PARVA: variants seen among roughly 807,000 people sequenced by gnomAD.
PARVA encodes the protein alpha-parvin.
In PARVA, 25 loss-of-function variants were observed where a neutral mutation model predicts 52.6. That is an observed-to-expected ratio of 0.48 (90% CI 0.35 to 0.66). The LOEUF (loss-of-function observed/expected upper bound fraction) is 0.66. PARVA is among the 30% of genes least tolerant of loss of function. The probability of loss-of-function intolerance (pLI) is 0.01; values close to 1 mark genes in which losing one functional copy is unlikely to be tolerated. For synonymous variants in PARVA, 185 were observed against 179.1 expected, an observed-to-expected ratio of 1.03 and a Z score of -0.26; for missense variants, 373 against 450.9, an observed-to-expected ratio of 0.83 and a Z score of 1.56.
At chr11:12,443,063 G>T (rs1420543222) in intron 1 of PARVA, among the ~76,000 whole-genome samples, 1 of 151,336 alleles carries the variant, frequency 6.6e-6, no homozygotes, top group Admixed American at 6.6e-5. Flanking sequence ...GGGTTTCACC[G>T]TGTTAGCCAG....
intron 1 of PARVA, among the ~76,000 whole-genome samples, chr11:12,456,161 C>T (rs1488900785): frequency 1.3e-5 from 2 of 152,186 alleles, no homozygotes; most frequent in Non-Finnish European, 2.9e-5. Flanking sequence ...CCCTCCCTCC[C>T]AGTATGTATG....
At chr11:12,470,579 CA>C (rs944283720) in intron 1 of PARVA, among the ~76,000 whole-genome samples, 8 of 152,100 alleles carry the variant, frequency 5.3e-5, no homozygotes, top group African/African-American at 1.9e-4. Flanking sequence ...TAATAGTGAA[CA>C]AAAGAGAAAT....
chr11:12,445,405 A>G (rs900062777), intron 1 of PARVA, among the ~76,000 whole-genome samples: 6 of 152,148 alleles, frequency 3.9e-5, no homozygotes, highest in Non-Finnish European at 8.8e-5. Flanking sequence ...CAGCAGGGGA[A>G]TCAGGACATA....
At chr11:12,496,080 A>G (rs1564862242) in intron 4 of PARVA, among the ~76,000 whole-genome samples, 1 of 152,262 alleles carries the variant, frequency 6.6e-6, no homozygotes. Flanking sequence ...ACAGGAATGT[A>G]CAAAATGCCT....
chr11:12,511,360 G>T lies in PARVA; in HGVS notation c.717-154G>T, dbSNP rs576516785. ...GGCCGTGCAGAATAAAATGCCAATG[G>T]AAGGAGGCTTTTTGAGCTCCTCAAC... On this transcript the variant is annotated intron_variant, in intron 7 of 12. Transcript: ENST00000334956. 6.7e-4 allele frequency among the ~76,000 whole-genome samples: 102 copies of T among 152,306 alleles called. 1 individual carries two copies. Among genetic ancestry groups the T allele is most frequent in the African/African-American group, 2.3e-3 (96 of 41,572 alleles).
chr11:12,511,486 C>T (rs768497571), intron 7 of PARVA, 28 bp from the exon 8 acceptor site: 6 of 1,610,046 alleles, frequency 3.7e-6, no homozygotes, highest in Admixed American at 1.7e-5. Flanking sequence ...AGAAGAGTCA[C>T]ACTATTTTCT....
upstream of PARVA, chr11:12,377,382 T>C: frequency 7.4e-7 from 1 of 1,352,626 alleles, no homozygotes; most frequent in Non-Finnish European, 9.4e-7. Context: ...CAAGGGGCAG[T>C]TTTGGGGCAT....
intron 1 of PARVA, among the ~76,000 whole-genome samples, chr11:12,422,126 T>C (rs1034262586): frequency 1.3e-5 from 2 of 152,274 alleles, no homozygotes; most frequent in African/African-American, 4.8e-5. Context: ...GTTTTGTATT[T>C]ACATTTCTAT....
intron 1 of PARVA, among the ~76,000 whole-genome samples, chr11:12,384,615 A>G (rs1939544656): frequency 6.6e-6 from 1 of 152,206 alleles, no homozygotes; most frequent in African/African-American, 2.4e-5. Flanking sequence ...CCTCACTAAG[A>G]AGGGTAGATT....
At chr11:12,377,952 G>T (rs1422940832) in intron 1 of PARVA, among the ~76,000 whole-genome samples, 169 bp downstream of exon 1, 1 of 148,170 alleles carries the variant, frequency 6.7e-6, no homozygotes, top group South Asian at 2.1e-4. Context: ...GGAGCGACGC[G>T]CACCCCACAC....
intron 1 of PARVA, among the ~76,000 whole-genome samples, chr11:12,421,698 A>G (rs1940152393): frequency 6.6e-6 from 1 of 152,138 alleles, no homozygotes; most frequent in Non-Finnish European, 1.5e-5. Context: ...TTAGTTATTG[A>G]TGTGTTTCAG....
At chr11:12,481,108 A>C (rs1383163893) in intron 4 of PARVA, among the ~76,000 whole-genome samples, 3 of 152,020 alleles carry the variant, frequency 2.0e-5, no homozygotes, top group Non-Finnish European at 4.4e-5. Flanking sequence ...ATACTTTGAG[A>C]CCACGTAAAT....
intron 1 of PARVA, among the ~76,000 whole-genome samples, chr11:12,458,936 C>T (rs927020246): frequency 2.0e-5 from 3 of 152,188 alleles, no homozygotes; most frequent in African/African-American, 2.4e-5. Flanking sequence ...CCTTTATTGT[C>T]TCTTCTTGGG....
chr11:12,445,888 G>C (rs1459195817), intron 1 of PARVA, among the ~76,000 whole-genome samples: 1 of 152,162 alleles, frequency 6.6e-6, no homozygotes, highest in African/African-American at 2.4e-5. Context: ...AATATGGTCA[G>C]TGTATCCCTA....
At chr11:12,471,810 T>C (rs1410952138) in intron 1 of PARVA, among the ~76,000 whole-genome samples, 1 of 152,238 alleles carries the variant, frequency 6.6e-6, no homozygotes, top group Non-Finnish European at 1.5e-5. Flanking sequence ...TAGTAGCTAC[T>C]GTATTGGACA....
chr11:12,398,835 A>C (rs1426153794), intron 1 of PARVA, among the ~76,000 whole-genome samples: 2 of 152,152 alleles, frequency 1.3e-5, no homozygotes, highest in African/African-American at 4.8e-5. Context: ...TGTTGCAAAT[A>C]AGACATTGGA....
At position 12,413,116 on chromosome 11, in the gene PARVA, T is replaced by C. The variant is rs79357028; in HGVS notation, c.136+35333T>C. Among the ~76,000 whole-genome samples, 1,324 of 152,354 alleles carry C rather than the reference T, an allele frequency of 8.7e-3. 22 individuals carry two copies. Among genetic ancestry groups the C allele is most frequent in the African/African-American group, 0.03 (1,228 of 41,588 alleles). ...CAGGCGTCTGCCTGTGCCAGGCATT[T>C]GTCTTTGGGCATACAAGGGGAATTA... On this transcript the variant is annotated intron_variant, in intron 1 of 12. Coordinates refer to ENST00000334956, the MANE Select transcript of PARVA (RefSeq NM_018222.5).
chr11:12,478,358 CCT>C (rs1277346439), intron 4 of PARVA: 7 of 329,846 alleles, frequency 2.1e-5, no homozygotes. Context: ...TGTGTGTGTT[CCT>C]CTGTCATCTG....
At chr11:12,478,063 T>A in intron 4 of PARVA, 114 bp downstream of exon 4, 1 of 764,086 alleles carries the variant, frequency 1.3e-6, no homozygotes, top group Non-Finnish European at 2.4e-6. Context: ...GGAAATGGAT[T>A]ACAAATGTGT....
Sources: allele counts gnomAD v4.1 joint callset (sites outside exome capture counted in the v4.1 genomes callset), GRCh38; gene constraint gnomAD v4.1.1; transcripts MANE v1.5; gene names NCBI Gene and HGNC (gene_info 2026-07-23, HGNC 2026-07-21).